YWHAH: variants seen among roughly 807,000 people sequenced by gnomAD.
YWHAH encodes tyrosine 3-monooxygenase/tryptophan 5-monooxygenase activation protein eta.
In YWHAH, 6 loss-of-function variants were observed where a neutral mutation model predicts 22.9. The ratio of observed to expected loss-of-function variants is 0.26; its 90% CI spans 0.14 to 0.52. The LOEUF is 0.52. Ranked by LOEUF, YWHAH falls within the 20% of genes least tolerant of loss-of-function variation. The pLI is 0.97. For missense variants in YWHAH, 173 were observed against 308.6 expected, an observed-to-expected ratio of 0.56 and a Z score of 3.29; for synonymous variants, 135 against 124.5, an observed-to-expected ratio of 1.08 and a Z score of -0.56.
intron 1 of YWHAH, chr22:31,947,627 C>CTCTG (rs2149466688): frequency 1.0e-5 from 3 of 299,830 alleles, no homozygotes; most frequent in Non-Finnish European, 1.4e-5. Context: ...TATCTTCAAG[C>CTCTG]TCTATCTCAT....
chr22:31,951,224 C>T (rs2093842843), intron 1 of YWHAH, among the ~76,000 whole-genome samples: 1 of 152,274 alleles, frequency 6.6e-6, no homozygotes, highest in Admixed American at 6.5e-5. Flanking sequence ...TTTTCTCACA[C>T]AGACACACAC....
At chr22:31,948,432 A>C (rs2093838128) in intron 1 of YWHAH, among the ~76,000 whole-genome samples, 1 of 151,320 alleles carries the variant, frequency 6.6e-6, no homozygotes, top group Non-Finnish European at 1.5e-5. Context: ...TCTGGAACCC[A>C]GGCTGGAGTG....
In YWHAH at chr22:31,956,060, T is replaced by C; in HGVS notation, c.88-79T>C. On this transcript the variant is annotated intron_variant, in intron 1 of 1. Transcript: ENST00000248975. The surrounding 1 kb of genome is among the most constrained non-coding windows in gnomAD (Gnocchi z 5.1). ...GTAATTCCGTTCTTGAGAAGGATTG[T>C]TGATTATGTTGAAGGGAAGGCTTCT... 6 of 1,484,626 alleles carry C rather than the reference T, an allele frequency of 4.0e-6. No homozygotes were observed. The highest frequency in any genetic ancestry group is 5.4e-6 in the Non-Finnish European group (6 of 1,103,910). 92.0% of individuals were successfully genotyped at this position (1,484,626 alleles called of 1,614,324 possible). A position where few individuals can be genotyped will look rare whatever the true frequency, so the allele number is the denominator to read the frequency against.
intron 1 of YWHAH, among the ~76,000 whole-genome samples, chr22:31,955,439 C>CTTTTTTTTTTTTTTTTTTTTT: frequency 7.9e-6 from 1 of 126,728 alleles, no homozygotes. Context: ...TTCAGAGTAT[C>CTTTTTTTTTTTTTTTTTTTTT]TTTTTTTTTT....
chr22:31,953,076 T>C (rs2246704), intron 1 of YWHAH, among the ~76,000 whole-genome samples: 64,357 of 152,124 alleles, frequency 0.42, 14,038 homozygotes, highest in African/African-American at 0.49. Context: ...TTCAGATTTG[T>C]ACTCACTTTA....
At chr22:31,955,124 G>A (rs1281406325) in intron 1 of YWHAH, among the ~76,000 whole-genome samples, 1 of 152,200 alleles carries the variant, frequency 6.6e-6, no homozygotes, top group Non-Finnish European at 1.5e-5. Flanking sequence ...ACTTCCTGCT[G>A]AGTAGCTGTG....
chr22:31,956,567 G>T lies in YWHAH; in HGVS notation c.516G>T (p.Arg172=). The part of the protein sequence containing the change: ...KEQMQPTHPI[R]LGLALNFSVF... ...AGATGCAACCCACGCATCCCATCCGGCTGGGCCTGGCCCTCAACTTCTCCG... is the reference window on the plus strand; with the variant it reads ...AGATGCAACCCACGCATCCCATCCGTCTGGGCCTGGCCCTCAACTTCTCCG... The change falls in exon 2 of 2, where the codon CGG becomes CGT. Residue 172 remains arginine (R), a synonymous_variant. Coordinates refer to ENST00000248975, the MANE Select transcript of YWHAH (RefSeq NM_003405.4). This position sits in a 1 kb window ranked among gnomAD's most constrained non-coding sequence, Gnocchi z 5.1. The T allele has an allele frequency of 6.2e-7, 1 of 1,614,170 alleles. No homozygotes were observed. Among genetic ancestry groups the T allele is most frequent in the Non-Finnish European group, 8.5e-7 (1 of 1,180,042 alleles).
At position 31,947,897 on chromosome 22, in the gene YWHAH, C is replaced by T. The variant is rs191478190; in HGVS notation, c.87+3077C>T. Among the ~76,000 whole-genome samples, 26 of 152,208 alleles carry T rather than the reference C, an allele frequency of 1.7e-4. No individual in the cohort carries two copies. In the East Asian group the frequency reaches 3.9e-3, roughly 23 times the overall value. On this transcript the variant is annotated intron_variant, in intron 1 of 1. Transcript: ENST00000248975. ...GACATAATTTCATCATGTATTATGGCCCTAAGTCATCTATTTTATATTAAA... is the reference window on the plus strand; with the variant it reads ...GACATAATTTCATCATGTATTATGGTCCTAAGTCATCTATTTTATATTAAA...
intron 1 of YWHAH, chr22:31,945,206 G>C: frequency 9.0e-7 from 1 of 1,112,960 alleles, no homozygotes; most frequent in Non-Finnish European, 1.1e-6. Flanking sequence ...GTCTTCCTCC[G>C]TTCCCCAACT....
chr22:31,951,537 A>C (rs1344031983), intron 1 of YWHAH, among the ~76,000 whole-genome samples: 1 of 152,014 alleles, frequency 6.6e-6, no homozygotes, highest in African/African-American at 2.4e-5. Flanking sequence ...AGAACTTTAA[A>C]TTTTCCTAAA....
chr22:31,946,565 G>A lies in YWHAH; in HGVS notation c.87+1745G>A, dbSNP rs79765470. On this transcript the variant is annotated intron_variant, in intron 1 of 1. Transcript: ENST00000248975. ...GTTCGGAGCCCTTTGGGAAATAAAT[G>A]TGGTGAAAAGAAAGGAGGGACGAGG... 2.4e-3 allele frequency among the ~76,000 whole-genome samples: 370 copies of A among 151,978 alleles called. 2 individuals carry two copies. Among genetic ancestry groups the A allele is most frequent in the African/African-American group, 8.8e-3 (362 of 41,266 alleles).
intron 1 of YWHAH, among the ~76,000 whole-genome samples, chr22:31,945,963 C>G (rs901187692): frequency 6.6e-6 from 1 of 152,154 alleles, no homozygotes; most frequent in Non-Finnish European, 1.5e-5. Flanking sequence ...AAAAAAACTG[C>G]CAATACAAAG....
intron 1 of YWHAH, among the ~76,000 whole-genome samples, chr22:31,949,796 C>T (rs917771379): frequency 6.6e-6 from 1 of 152,188 alleles, no homozygotes; most frequent in Non-Finnish European, 1.5e-5. Flanking sequence ...TTAGAGCTCT[C>T]ATTTTAACCA....
At chr22:31,945,189 C>T (rs1457961301) in intron 1 of YWHAH, 4 of 1,111,200 alleles carry the variant, frequency 3.6e-6, no homozygotes, top group African/African-American at 3.3e-5. Context: ...CGGGGGCTCC[C>T]CCTCTCGTCT....
Position 31,953,772 on chromosome 22 carries a change from T to C in YWHAH, c.88-2367T>C, listed in dbSNP as rs567057698. On this transcript the variant is annotated intron_variant, in intron 1 of 1. Transcript: ENST00000248975. Reference sequence around the variant, plus strand: ...GAGTGGAGGCAGCACCCCTGGGGAATGGTCAGGATAGCTGTTAGCCAAAGA... The same window carrying C: ...GAGTGGAGGCAGCACCCCTGGGGAACGGTCAGGATAGCTGTTAGCCAAAGA... Among the ~76,000 whole-genome samples the C allele has an allele frequency of 2.0e-5, 3 of 152,240 alleles. No individual in the cohort carries two copies. In the South Asian group the frequency reaches 6.2e-4, roughly 32 times the overall value.
intron 1 of YWHAH, among the ~76,000 whole-genome samples, chr22:31,951,203 C>T (rs2093842786): frequency 6.6e-6 from 1 of 152,138 alleles, no homozygotes; most frequent in South Asian, 2.1e-4. Flanking sequence ...CCCTCAAACC[C>T]TCAAACTGAC....
chr22:31,945,088 G>C, intron 1 of YWHAH: 1 of 1,090,944 alleles, frequency 9.2e-7, no homozygotes, highest in Non-Finnish European at 1.1e-6. Flanking sequence ...GGTCGGGGTC[G>C]CCACATCTTA....
chr22:31,950,765 A>G (rs1024057975), intron 1 of YWHAH, among the ~76,000 whole-genome samples: 1 of 152,116 alleles, frequency 6.6e-6, no homozygotes, highest in Non-Finnish European at 1.5e-5. Flanking sequence ...CTGGCTGGTG[A>G]TGTTCTTGCC....
chr22:31,945,466 C>T (rs1309026331), intron 1 of YWHAH: 1 of 1,304,124 alleles, frequency 7.7e-7, no homozygotes, highest in African/African-American at 1.5e-5. Flanking sequence ...GCTGCGCTGT[C>T]TGCTTGGAGA....
Sources: allele counts gnomAD v4.1 joint callset (sites outside exome capture counted in the v4.1 genomes callset), GRCh38; gene constraint gnomAD v4.1.1; non-coding constraint Gnocchi (gnomAD v3.1); transcripts MANE v1.5; gene names NCBI Gene and HGNC (gene_info 2026-07-23, HGNC 2026-07-21).